SLC4A5: variants seen among roughly 807,000 people sequenced by gnomAD.
SLC4A5 encodes electrogenic sodium bicarbonate cotransporter 4.
In SLC4A5, 96 loss-of-function variants were observed where a neutral mutation model predicts 120.4. That is an observed-to-expected ratio of 0.80 (90% CI 0.68 to 0.94). The LOEUF (loss-of-function observed/expected upper bound fraction) is 0.94. SLC4A5 is among the 40% of genes least tolerant of loss of function. SLC4A5 has a pLI of 0.00. For synonymous variants in SLC4A5, 550 were observed against 571.1 expected (o/e 0.96, Z 0.53); for missense variants, 1,259 against 1,459.5 (o/e 0.86, Z 2.24).
intron 6 of SLC4A5, chr2:74,307,491 C>T (rs1202092853): frequency 2.7e-5 from 17 of 620,004 alleles, no homozygotes; most frequent in African/African-American, 1.6e-4. Flanking sequence ...TACAGACTAG[C>T]GCATGGCCAG....
intron 11 of SLC4A5, among the ~76,000 whole-genome samples, chr2:74,261,581 G>A (rs543396283): frequency 6.6e-6 from 1 of 152,052 alleles, no homozygotes; most frequent in South Asian, 2.1e-4. Flanking sequence ...TCCCCAGCTC[G>A]CCTGTCTGTG....
intron 19 of SLC4A5, among the ~76,000 whole-genome samples, chr2:74,243,475 G>C (rs1670512608): frequency 6.6e-6 from 1 of 152,194 alleles, no homozygotes; most frequent in Non-Finnish European, 1.5e-5. Flanking sequence ...AGGTTTGTTA[G>C]GATTGTTCTG....
At chr2:74,307,266 T>C (rs1558906525) in intron 6 of SLC4A5, 4 of 513,134 alleles carry the variant, frequency 7.8e-6, no homozygotes, top group East Asian at 8.3e-5. Context: ...GGCCCAGATG[T>C]CTGCCATGAT....
At chr2:74,300,076 A>G (rs1315204096) in intron 7 of SLC4A5, among the ~76,000 whole-genome samples, 2 of 152,256 alleles carry the variant, frequency 1.3e-5, no homozygotes, top group Non-Finnish European at 2.9e-5. Context: ...TTGTTTCAAC[A>G]TGGAAGAACC....
At chr2:74,261,479 C>T (rs1671133690) in intron 11 of SLC4A5, among the ~76,000 whole-genome samples, 2 of 152,246 alleles carry the variant, frequency 1.3e-5, no homozygotes, top group Admixed American at 1.3e-4. Context: ...AACTTGTTAA[C>T]ATCTTGGCAT....
At chr2:74,280,802 A>C (rs989293986) in intron 8 of SLC4A5, among the ~76,000 whole-genome samples, 1 of 151,822 alleles carries the variant, frequency 6.6e-6, no homozygotes, top group Non-Finnish European at 1.5e-5. Context: ...CTCCTGCCTC[A>C]GCCTCCTGAG....
intron 3 of SLC4A5, among the ~76,000 whole-genome samples, chr2:74,337,751 T>C (rs1292555036): frequency 2.6e-5 from 4 of 152,202 alleles, no homozygotes; most frequent in Non-Finnish European, 5.9e-5. Context: ...GAGCTTGAAT[T>C]TGCATCCCGA....
intron 12 of SLC4A5, among the ~76,000 whole-genome samples, chr2:74,256,898 G>A (rs1670983165): frequency 6.6e-6 from 1 of 152,198 alleles, no homozygotes; most frequent in South Asian, 2.1e-4. Context: ...CACAGTCGCT[G>A]ACACAGTGGG....
intron 19 of SLC4A5, among the ~76,000 whole-genome samples, chr2:74,246,745 C>G (rs1400126394): frequency 6.6e-6 from 1 of 152,188 alleles, no homozygotes; most frequent in South Asian, 2.1e-4. Context: ...GAGTGGCACT[C>G]CTGATAGGTG....
At chr2:74,225,795 T>C (rs1400586396) in intron 27 of SLC4A5, among the ~76,000 whole-genome samples, 5 of 152,318 alleles carry the variant, frequency 3.3e-5, no homozygotes, top group Non-Finnish European at 5.9e-5. Context: ...TGAATTTTAC[T>C]GTATGCAAAT....
intron 7 of SLC4A5, among the ~76,000 whole-genome samples, chr2:74,292,849 G>A (rs999109531): frequency 2.0e-5 from 3 of 152,088 alleles, no homozygotes; most frequent in African/African-American, 4.8e-5. Context: ...CTCTCTCATC[G>A]GCTCCCTGAT....
chr2:74,340,977 T>C (rs1673610027), intron 2 of SLC4A5, among the ~76,000 whole-genome samples: 1 of 152,170 alleles, frequency 6.6e-6, no homozygotes. Flanking sequence ...CTAAATTCCA[T>C]TCAGGGGCAA....
At chr2:74,246,405 T>G (rs555334085) in intron 19 of SLC4A5, among the ~76,000 whole-genome samples, 1 of 152,334 alleles carries the variant, frequency 6.6e-6, no homozygotes, top group East Asian at 1.9e-4. Flanking sequence ...TCCCTGTTCC[T>G]CATTCAGCTC....
intron 8 of SLC4A5, among the ~76,000 whole-genome samples, chr2:74,284,937 T>G (rs1458605618): frequency 6.6e-6 from 1 of 152,210 alleles, no homozygotes; most frequent in Non-Finnish European, 1.5e-5. Context: ...TCAGACTTGA[T>G]GTGCCTGGCA....
intron 24 of SLC4A5, among the ~76,000 whole-genome samples, chr2:74,231,557 TG>T (rs1048905163): frequency 6.6e-6 from 1 of 152,178 alleles, no homozygotes; most frequent in Admixed American, 6.5e-5. Context: ...GGCTTGTAGC[TG>T]GGGGGCTTGA....
intron 5 of SLC4A5, among the ~76,000 whole-genome samples, chr2:74,322,396 TTAAAAC>T (rs1673119137): frequency 6.6e-6 from 1 of 152,126 alleles, no homozygotes; most frequent in Non-Finnish European, 1.5e-5. Context: ...ACATAAAACT[TTAAAAC>T]AAACAAAACA....
chr2:74,259,695 T>A (rs1326389399), intron 11 of SLC4A5, 52 bp from the exon 12 acceptor site: 1 of 1,579,330 alleles, frequency 6.3e-7, no homozygotes, highest in Non-Finnish European at 8.7e-7. Flanking sequence ...CTCTTGCAGG[T>A]CCCTTTCCTA....
intron 5 of SLC4A5, 81 bp downstream of exon 5, chr2:74,328,039 T>C: frequency 2.7e-6 from 2 of 730,400 alleles, no homozygotes; most frequent in Non-Finnish European, 3.4e-6. Context: ...TTAAATACTC[T>C]GTGTTCATGC....
chr2:74,304,447 C>T, intron 7 of SLC4A5, 42 bp downstream of exon 7: 1 of 1,563,414 alleles, frequency 6.4e-7, no homozygotes. Flanking sequence ...CTGGACACAC[C>T]AGCAGGATGG....
Sources: gnomAD v4.1 joint callset for allele counts (sites outside exome capture counted in the v4.1 genomes callset) on GRCh38, gnomAD v4.1.1 for gene constraint, MANE v1.5 for transcripts, NCBI Gene and HGNC (gene_info 2026-07-23, HGNC 2026-07-21) for gene names.